The following MED27 variants were observed in gnomAD, a reference collection of about 807,000 sequenced individuals.
The protein encoded by MED27 is mediator of RNA polymerase II transcription subunit 27.
In MED27, 30 loss-of-function variants were observed where a neutral mutation model predicts 38.2. The observed-to-expected ratio is 0.79, with a 90% CI of 0.59 to 1.07. The LOEUF (loss-of-function observed/expected upper bound fraction) is 1.07, where lower values mean the gene tolerates loss of function less well. MED27 is among the 50% of genes least tolerant of loss of function. The probability of loss-of-function intolerance (pLI) is 0.00; values close to 1 mark genes in which losing one functional copy is unlikely to be tolerated. For synonymous variants in MED27, 122 were observed against 153.5 expected, an observed-to-expected ratio of 0.79 and a Z score of 1.52; for missense variants, 289 against 397.5, an observed-to-expected ratio of 0.73 and a Z score of 2.32.
At chr9:132,004,085 G>C (rs1832300550) in intron 3 of MED27, among the ~76,000 whole-genome samples, 1 of 152,030 alleles carries the variant, frequency 6.6e-6, no homozygotes, top group Non-Finnish European at 1.5e-5. Context: ...AAAGATGAGG[G>C]AACCGAGGAA....
intron 6 of MED27, chr9:131,868,636 C>T (rs1192585362): frequency 1.0e-6 from 1 of 985,488 alleles, no homozygotes; most frequent in Non-Finnish European, 1.2e-6. Flanking sequence ...TGGGAAGATG[C>T]ACATAGTGGG....
At chr9:131,901,131 G>A (rs1829939398) in intron 4 of MED27, among the ~76,000 whole-genome samples, 1 of 151,454 alleles carries the variant, frequency 6.6e-6, no homozygotes, top group African/African-American at 2.4e-5. Context: ...GAAGAAGGAA[G>A]GGTGGAAAGG....
intron 3 of MED27, among the ~76,000 whole-genome samples, chr9:132,012,262 A>C (rs1589265329): frequency 6.6e-6 from 1 of 152,366 alleles, no homozygotes; most frequent in South Asian, 2.1e-4. Flanking sequence ...CTGAAAGTTG[A>C]GATTTGCAGA....
chr9:131,946,129 T>C (rs1270997777), intron 3 of MED27, among the ~76,000 whole-genome samples: 1 of 152,190 alleles, frequency 6.6e-6, no homozygotes, highest in African/African-American at 2.4e-5. Context: ...ATACACCACA[T>C]TTTCTCTACT....
chr9:132,041,310 G>A lies in MED27; in HGVS notation c.349-26843C>T, dbSNP rs370428815. On this transcript the variant is annotated intron_variant, in intron 2 of 7. Coordinates refer to ENST00000292035, the MANE Select transcript of MED27 (RefSeq NM_004269.4). ...GACTTGAGTGGACTGAACTGAGCAC[G>A]CACACACGACTAAAGAGTCTGCATA... Among the ~76,000 whole-genome samples, 4 of 152,240 alleles carry A rather than the reference G, an allele frequency of 2.6e-5. No homozygotes were observed. In the East Asian group the frequency reaches 7.7e-4, roughly 29 times the overall value.
rs1160422562 is a variant in MED27 at position 131,917,625 on chromosome 9, T to C, written c.573+21756A>G. 6.6e-6 allele frequency among the ~76,000 whole-genome samples: 1 copy of C among 152,196 alleles called. No homozygotes were observed. Among genetic ancestry groups the C allele is most frequent in the Admixed American group, 6.5e-5 (1 of 15,270 alleles). On this transcript the variant is annotated intron_variant, in intron 4 of 7. Transcript: ENST00000292035. This position sits in a 1 kb window ranked among gnomAD's most constrained non-coding sequence, Gnocchi z 4.6. ...ATCAGGAAGAATGCATGTGGCATTG[T>C]GGGTGACAATGGGGATGCCACCCGC...
intron 4 of MED27, among the ~76,000 whole-genome samples, chr9:131,926,721 G>C (rs1830491586): frequency 6.6e-6 from 1 of 152,194 alleles, no homozygotes; most frequent in African/African-American, 2.4e-5. Context: ...GGAGTACAAT[G>C]AGATAATGTT....
At chr9:131,881,990 G>A (rs1214250237) in intron 6 of MED27, among the ~76,000 whole-genome samples, 6 of 151,540 alleles carry the variant, frequency 4.0e-5, no homozygotes, top group African/African-American at 9.7e-5. Flanking sequence ...TCCTGACCTT[G>A]TAATCCACCC....
At chr9:132,008,566 A>T (rs1364582532) in intron 3 of MED27, among the ~76,000 whole-genome samples, 1 of 152,236 alleles carries the variant, frequency 6.6e-6, no homozygotes, top group Non-Finnish European at 1.5e-5. Flanking sequence ...GAAAGATATG[A>T]ATCATTAATC....
Position 131,978,700 on chromosome 9 carries a change from A to G in MED27, c.479+35637T>C, listed in dbSNP as rs566303905. Among the ~76,000 whole-genome samples the G allele has an allele frequency of 7.0e-4, 107 of 152,358 alleles. 1 individual carries two copies. The highest frequency in any genetic ancestry group is 1.3e-3 in the Non-Finnish European group (88 of 68,038). ...AACAACAACAACAAAAAAAACTCTT[A>G]AGAAAAATGACTGTCCAAGCATGGT... On this transcript the variant is annotated intron_variant, in intron 3 of 7. Coordinates refer to ENST00000292035, the MANE Select transcript of MED27 (RefSeq NM_004269.4).
intron 2 of MED27, 61 bp from the exon 3 acceptor site, chr9:132,014,528 T>C: frequency 1.3e-6 from 2 of 1,556,320 alleles, no homozygotes; most frequent in African/African-American, 1.4e-5. Context: ...GTAGGACAAA[T>C]GGTATTAAAC....
At chr9:132,043,789 A>C (rs2131124250) in intron 2 of MED27, among the ~76,000 whole-genome samples, 1 of 152,308 alleles carries the variant, frequency 6.6e-6, no homozygotes, top group Non-Finnish European at 1.5e-5. Flanking sequence ...GGATATCAAT[A>C]AGAAAAAAAT....
intron 3 of MED27, 150 bp from the exon 4 acceptor site, chr9:131,939,624 C>T (rs542539534): frequency 1.2e-4 from 58 of 471,040 alleles, no homozygotes; most frequent in African/African-American, 9.3e-4. Context: ...ACCTTTTAGT[C>T]TTTACCTCTG....
At chr9:132,061,390 C>A (rs576801142) in intron 2 of MED27, among the ~76,000 whole-genome samples, 2 of 152,284 alleles carry the variant, frequency 1.3e-5, no homozygotes, top group African/African-American at 4.8e-5. Flanking sequence ...CACCTTTTGA[C>A]TTTGGTTGTA....
intron 3 of MED27, among the ~76,000 whole-genome samples, chr9:131,956,459 T>C (rs1196201784): frequency 6.6e-6 from 1 of 151,894 alleles, no homozygotes; most frequent in Non-Finnish European, 1.5e-5. Context: ...CTACTAAAAA[T>C]ACAAATATTA....
At chr9:132,066,326 G>T (rs1041735079) in intron 2 of MED27, among the ~76,000 whole-genome samples, 1 of 152,268 alleles carries the variant, frequency 6.6e-6, no homozygotes, top group Non-Finnish European at 1.5e-5. Context: ...GCAGGGCACA[G>T]CTGACCTCTG....
At chr9:131,870,104 C>T in intron 6 of MED27, among the ~76,000 whole-genome samples, 1 of 152,194 alleles carries the variant, frequency 6.6e-6, no homozygotes, top group Non-Finnish European at 1.5e-5. Context: ...CTGACAGCCC[C>T]CCTCCTACAA....
chr9:131,860,864 G>C lies in MED27; in HGVS notation c.802-192C>G, dbSNP rs917914591. 6.6e-6 allele frequency among the ~76,000 whole-genome samples: 1 copy of C among 152,078 alleles called. No homozygotes were observed. The highest frequency in any genetic ancestry group is 6.5e-5 in the Admixed American group (1 of 15,274). ...CTGCTGATGTTCACGTCTGATGCTC[G>C]CGTGCCCCTCCTAACCGAAGGAGTT... On this transcript the variant is annotated intron_variant, in intron 7 of 7. Transcript: ENST00000292035. This position sits in a 1 kb window ranked among gnomAD's most constrained non-coding sequence, Gnocchi z 5.8.
At chr9:131,863,757 C>T (rs9411318) in intron 6 of MED27, among the ~76,000 whole-genome samples, 83,261 of 151,966 alleles carry the variant, frequency 0.55, 24,261 homozygotes, top group Middle Eastern at 0.66. Flanking sequence ...AGGAGCCCGG[C>T]GCGCCTGGTG....
Sources: allele counts gnomAD v4.1 joint callset (sites outside exome capture counted in the v4.1 genomes callset), GRCh38; gene constraint gnomAD v4.1.1; non-coding constraint Gnocchi (gnomAD v3.1); transcripts MANE v1.5; gene names NCBI Gene and HGNC (gene_info 2026-07-23, HGNC 2026-07-21).